The following KALRN variants were observed in gnomAD, a reference collection of about 807,000 sequenced individuals.
KALRN encodes kalirin.
A neutral mutation model predicts 353.7 loss-of-function variants in KALRN; 70 were observed. The observed-to-expected ratio is 0.20, with a 90% CI of 0.16 to 0.24. The LOEUF (loss-of-function observed/expected upper bound fraction) is 0.24. Among genes scored for constraint, KALRN ranks in the 10% least tolerant of loss-of-function variants. KALRN has a pLI of 1.00. For missense variants in KALRN, 2,791 were observed against 3,756.7 expected (o/e 0.74, Z 6.72); for synonymous variants, 1,391 against 1,434.8 (o/e 0.97, Z 0.69).
chr3:124,562,331 A>G (rs895662124), intron 33 of KALRN, among the ~76,000 whole-genome samples: 12 of 152,086 alleles, frequency 7.9e-5, no homozygotes, highest in African/African-American at 2.9e-4. Context: ...CTCTTCCATT[A>G]TTCCCTATCA....
chr3:124,200,475 C>A (rs963618471), intron 1 of KALRN, among the ~76,000 whole-genome samples: 1 of 152,156 alleles, frequency 6.6e-6, no homozygotes, highest in Non-Finnish European at 1.5e-5. Context: ...TCTCTGGGGT[C>A]TTTTTTAAAG....
intron 6 of KALRN, among the ~76,000 whole-genome samples, chr3:124,325,206 A>C (rs569961370): frequency 6.6e-6 from 1 of 152,238 alleles, no homozygotes; most frequent in African/African-American, 2.4e-5. Context: ...AACAAAACAC[A>C]AGATGACAGG....
intron 48 of KALRN, 52 bp from the exon 49 acceptor site, chr3:124,674,312 T>C (rs200706993): frequency 1.2e-4 from 193 of 1,568,636 alleles, no homozygotes; most frequent in Non-Finnish European, 1.6e-4. Context: ...AGCAAGCCCA[T>C]GTGAACTAGC....
Position 124,398,548 on chromosome 3 carries a change from C to T in KALRN, c.2172-149C>T, listed in dbSNP as rs530051444. ...CTCATTAAGCAGAGAGCATCAGGCTCACAGCAGGAGTTTGATAAATGTCTG... is the reference window on the plus strand; with the variant it reads ...CTCATTAAGCAGAGAGCATCAGGCTTACAGCAGGAGTTTGATAAATGTCTG... On this transcript the variant is annotated intron_variant, in intron 12 of 59. Coordinates refer to ENST00000682506, the MANE Select transcript of KALRN (RefSeq NM_001388419.1). 2.5e-6 allele frequency: 2 copies of T among 803,114 alleles called. 1 individual carries two copies. The highest frequency in any genetic ancestry group is 3.2e-5 in the South Asian group (2 of 62,700). 49.7% of individuals were successfully genotyped at this position (803,114 alleles called of 1,614,324 possible). A position where few individuals can be genotyped will look rare whatever the true frequency, so the allele number is the denominator to read the frequency against.
chr3:124,477,112 C>T, intron 26 of KALRN, 133 bp from the exon 27 acceptor site: 2 of 574,548 alleles, frequency 3.5e-6, no homozygotes, highest in African/African-American at 1.9e-5. Flanking sequence ...GAGCATAGAA[C>T]ATTTGCCATA....
intron 33 of KALRN, among the ~76,000 whole-genome samples, chr3:124,506,018 A>G (rs73187398): frequency 3.3e-4 from 50 of 152,294 alleles, no homozygotes; most frequent in Non-Finnish European, 6.8e-4. Flanking sequence ...GAGTGGGTGA[A>G]TACATGGGTG....
At chr3:124,229,706 G>A (rs1009889616) in intron 2 of KALRN, among the ~76,000 whole-genome samples, 1 of 152,264 alleles carries the variant, frequency 6.6e-6, no homozygotes, top group East Asian at 1.9e-4. Flanking sequence ...GATTCAGAGT[G>A]TAGGTGTGGG....
At chr3:124,603,645 G>T (rs1185873411) in intron 34 of KALRN, among the ~76,000 whole-genome samples, 1 of 152,124 alleles carries the variant, frequency 6.6e-6, no homozygotes, top group East Asian at 1.9e-4. Flanking sequence ...TTTTGAAATG[G>T]AGCATCTCTC....
At chr3:124,532,470 T>G (rs1186473184) in intron 33 of KALRN, among the ~76,000 whole-genome samples, 2 of 152,194 alleles carry the variant, frequency 1.3e-5, no homozygotes, top group African/African-American at 4.8e-5. Flanking sequence ...ATCAGGTATA[T>G]GAGCTTTGAA....
At chr3:124,279,716 G>A (rs984295239) in intron 5 of KALRN, among the ~76,000 whole-genome samples, 1 of 152,238 alleles carries the variant, frequency 6.6e-6, no homozygotes. Context: ...CAATCACTGT[G>A]CCGAGTACTG....
chr3:124,131,302 G>A (rs2065245527), intron 1 of KALRN, among the ~76,000 whole-genome samples: 1 of 152,156 alleles, frequency 6.6e-6, no homozygotes, highest in African/African-American at 2.4e-5. Context: ...TGACTCAGGA[G>A]TCCTCTGCTA....
At chr3:124,192,511 A>T (rs1169964203) in intron 1 of KALRN, among the ~76,000 whole-genome samples, 1 of 152,164 alleles carries the variant, frequency 6.6e-6, no homozygotes, top group African/African-American at 2.4e-5. Context: ...TGTACATTTT[A>T]AAATAAAGAA....
intron 3 of KALRN, among the ~76,000 whole-genome samples, chr3:124,261,516 C>T (rs2072865714): frequency 6.6e-6 from 1 of 152,212 alleles, no homozygotes; most frequent in Admixed American, 6.5e-5. Flanking sequence ...CACTCAGCTC[C>T]TGGGCCTCTT....
intron 37 of KALRN, among the ~76,000 whole-genome samples, chr3:124,649,494 C>A (rs1054504689): frequency 1.3e-5 from 2 of 152,118 alleles, no homozygotes; most frequent in African/African-American, 4.8e-5. Flanking sequence ...CAGTTTAGGG[C>A]CAGACACGCT....
chr3:124,555,550 G>A (rs1937632529), intron 33 of KALRN, among the ~76,000 whole-genome samples: 1 of 151,790 alleles, frequency 6.6e-6, no homozygotes, highest in South Asian at 2.1e-4. Flanking sequence ...TTTTTGTCAG[G>A]TTTAGGAATT....
chr3:124,686,937 T>C (rs1249992628), intron 51 of KALRN, among the ~76,000 whole-genome samples: 1 of 147,052 alleles, frequency 6.8e-6, no homozygotes, highest in Non-Finnish European at 1.5e-5. Flanking sequence ...ACCCTCAGCC[T>C]CCTGAATATC....
chr3:124,132,262 G>C (rs1487406078), intron 1 of KALRN, among the ~76,000 whole-genome samples: 2 of 152,164 alleles, frequency 1.3e-5, no homozygotes, highest in South Asian at 4.2e-4. Flanking sequence ...TGGAGCCCCA[G>C]GTGGACATGT....
chr3:124,266,101 C>T (rs527590139), intron 4 of KALRN, among the ~76,000 whole-genome samples: 31 of 151,740 alleles, frequency 2.0e-4, no homozygotes, highest in Non-Finnish European at 3.4e-4. Context: ...GGTGACAGAG[C>T]GAAACTCCTC....
Position 124,674,495 on chromosome 3 carries a change from G to A in KALRN, c.7074G>A (p.Met2358Ile). Residue 2358 changes from methionine (M) to isoleucine (I), a missense_variant, in exon 49 of 60, where the codon ATG becomes ATA. Met to Ile is a conservative substitution (Grantham distance 10). This residue lies in a region of KALRN where 1,065 missense variants were observed against 1,156.4 expected (regional missense o/e 0.92). Transcript: ENST00000682506. ...TCCTCGCCGTCAACCAGCAGAACAT[G>A]TGTCTGGTGTACCAGCCTGCCAGCG... is the stretch of plus-strand genomic sequence containing the variant. ...VQVLAVNQQN[M>I]CLVYQPASDH... The A allele has an allele frequency of 6.2e-7, 1 of 1,614,062 alleles. No homozygotes were observed. The highest frequency in any genetic ancestry group is 8.5e-7 in the Non-Finnish European group (1 of 1,180,004).
Sources: allele counts gnomAD v4.1 joint callset (sites outside exome capture counted in the v4.1 genomes callset), GRCh38; gene constraint gnomAD v4.1.1; regional missense constraint gnomAD v4.1.1; transcripts MANE v1.5; gene names NCBI Gene and HGNC (gene_info 2026-07-23, HGNC 2026-07-21).